The following TRIQK variants were observed in gnomAD, a reference collection of about 807,000 sequenced individuals.
TRIQK encodes the protein triple QxxK/R motif-containing protein.
TRIQK carries 10 observed loss-of-function variants against 10.8 expected under a neutral mutation model. The ratio of observed to expected loss-of-function variants is 0.92; its 90% CI spans 0.57 to 1.57. The LOEUF is 1.57. Ranked by LOEUF, TRIQK falls within the 40% of genes most tolerant of loss-of-function variation. The probability of loss-of-function intolerance (pLI) is 0.00; values close to 1 mark genes in which losing one functional copy is unlikely to be tolerated. For synonymous variants in TRIQK, 33 were observed against 33.7 expected (o/e 0.98, Z 0.07); for missense variants, 107 against 97.7 (o/e 1.09, Z -0.40).
At chr8:92,938,955 A>G (rs1015079761) in intron 2 of TRIQK, among the ~76,000 whole-genome samples, 4 of 152,160 alleles carry the variant, frequency 2.6e-5, no homozygotes, top group African/African-American at 9.7e-5. Flanking sequence ...CACCAAATCT[A>G]TCATTTATAG....
intron 1 of TRIQK, among the ~76,000 whole-genome samples, chr8:93,007,190 A>T (rs1435716319): frequency 6.6e-6 from 1 of 152,108 alleles, no homozygotes; most frequent in Non-Finnish European, 1.5e-5. Context: ...CACTAGTGAC[A>T]CCTCCAGGTA....
intron 1 of TRIQK, among the ~76,000 whole-genome samples, chr8:92,983,995 C>T (rs1036798547): frequency 6.6e-5 from 10 of 152,020 alleles, no homozygotes; most frequent in African/African-American, 2.4e-4. Flanking sequence ...TCCGACCTCT[C>T]CAAGTTTCGG....
intron 1 of TRIQK, among the ~76,000 whole-genome samples, chr8:92,960,898 G>A (rs1159074196): frequency 6.6e-6 from 1 of 152,096 alleles, no homozygotes; most frequent in Non-Finnish European, 1.5e-5. Flanking sequence ...GTTATAAGAG[G>A]AACAAAACTG....
intron 3 of TRIQK, among the ~76,000 whole-genome samples, chr8:92,908,710 C>A (rs1031438402): frequency 2.0e-5 from 3 of 151,782 alleles, no homozygotes; most frequent in African/African-American, 4.8e-5. Context: ...ATAGACCACA[C>A]CAATTAAGAT....
At chr8:93,000,753 T>C (rs148995641) in intron 1 of TRIQK, among the ~76,000 whole-genome samples, 1 of 152,266 alleles carries the variant, frequency 6.6e-6, no homozygotes, top group Non-Finnish European at 1.5e-5. Context: ...TAATATAGTA[T>C]GTGATAGCTA....
intron 1 of TRIQK, among the ~76,000 whole-genome samples, chr8:92,957,295 AAATT>A (rs1278871078): frequency 2.6e-5 from 4 of 151,782 alleles, no homozygotes; most frequent in Non-Finnish European, 5.9e-5. Flanking sequence ...TGTATACATA[AAATT>A]AATGTATGTA....
chr8:92,963,046 T>G (rs898489163), intron 1 of TRIQK, among the ~76,000 whole-genome samples: 1 of 152,198 alleles, frequency 6.6e-6, no homozygotes, highest in Non-Finnish European at 1.5e-5. Context: ...AGAGCTATTA[T>G]TGAGCCCCTA....
rs376167148 is a variant in TRIQK, at chr8:93,001,528, AAAG to A, written c.-181+16078_-181+16080del. ...ATAGACTTTAAGTCAAAAACTGTAAAAAGAAGACAATGAAGGTCACTATATAAT... is the reference window on the plus strand; with the variant it reads ...ATAGACTTTAAGTCAAAAACTGTAAAAAGACAATGAAGGTCACTATATAAT... On this transcript the variant is annotated intron_variant, in intron 1 of 4. Transcript: ENST00000520686. 1.6e-3 allele frequency among the ~76,000 whole-genome samples: 244 copies of A among 152,314 alleles called. 2 individuals carry two copies. The highest frequency in any genetic ancestry group is 5.5e-3 in the African/African-American group (227 of 41,566).
chr8:92,994,317 T>C (rs1476942402), intron 1 of TRIQK, among the ~76,000 whole-genome samples: 2 of 152,154 alleles, frequency 1.3e-5, no homozygotes, highest in Non-Finnish European at 2.9e-5. Context: ...GCTCTTCTTT[T>C]ATTTATATAT....
intron 2 of TRIQK, among the ~76,000 whole-genome samples, chr8:92,929,049 A>G (rs1810581514): frequency 6.6e-6 from 1 of 152,174 alleles, no homozygotes; most frequent in African/African-American, 2.4e-5. Flanking sequence ...GATGGGGGCA[A>G]TGAGGCAGAG....
chr8:92,947,930 G>A (rs779086295), intron 2 of TRIQK, among the ~76,000 whole-genome samples: 8 of 152,102 alleles, frequency 5.3e-5, no homozygotes, highest in Non-Finnish European at 8.8e-5. Context: ...AAATATATAT[G>A]TTTAGTCAAT....
In TRIQK at chr8:92,898,833, G is replaced by GTATATATATATATATA. The variant is rs67063066; in HGVS notation, c.62-6775_62-6760dup. Among the ~76,000 whole-genome samples the GTATATATATATATATA allele has an allele frequency of 2.5e-3, 187 of 73,902 alleles. 6 individuals carry two copies. Among genetic ancestry groups the GTATATATATATATATA allele is most frequent in the Non-Finnish European group, 3.1e-3 (124 of 39,960 alleles). 48.5% of individuals were successfully genotyped at this position (73,902 alleles called of 152,430 possible). A position where few individuals can be genotyped will look rare whatever the true frequency, so the allele number is the denominator to read the frequency against. Reference sequence around the variant, plus strand: ...GCAGGTACATAATAGGTGTGTGTGTGTATATATATATATATATATATATAT... The same window carrying GTATATATATATATATA: ...GCAGGTACATAATAGGTGTGTGTGTGTATATATATATATATATATATATATATATATATATATATAT... On this transcript the variant is annotated intron_variant, in intron 3 of 4. Transcript: ENST00000521988.
At chr8:92,962,041 G>T (rs1445592030) in intron 1 of TRIQK, among the ~76,000 whole-genome samples, 1 of 151,984 alleles carries the variant, frequency 6.6e-6, no homozygotes, top group Non-Finnish European at 1.5e-5. Context: ...ATTTTTCATG[G>T]AAACATACAC....
chr8:92,983,361 C>CAT (rs1813004132), intron 1 of TRIQK, among the ~76,000 whole-genome samples: 1 of 152,018 alleles, frequency 6.6e-6, no homozygotes, highest in Non-Finnish European at 1.5e-5. Flanking sequence ...AGTCAAATTT[C>CAT]AGTGGCTTAA....
intron 2 of TRIQK, among the ~76,000 whole-genome samples, chr8:92,947,587 G>GAA (rs35808197): frequency 8.2e-3 from 503 of 61,162 alleles, no homozygotes; most frequent in Middle Eastern, 0.013. Context: ...TCCGCCTCAG[G>GAA]AAAAAAAAAA....
chr8:92,994,445 AT>A lies in TRIQK; in HGVS notation c.-181+23163del, dbSNP rs556432637. Among the ~76,000 whole-genome samples, 18 of 151,546 alleles carry A rather than the reference AT, an allele frequency of 1.2e-4. No homozygotes were observed. In the South Asian group the frequency reaches 3.3e-3, roughly 28 times the overall value. Reference sequence around the variant, plus strand: ...TGTTTTATTTTTTAAAAATCACATAATTTTTTTTCCTCCAAGGCTGACAACT... The same window carrying A: ...TGTTTTATTTTTTAAAAATCACATAATTTTTTTCCTCCAAGGCTGACAACT... On this transcript the variant is annotated intron_variant, in intron 1 of 4. Transcript: ENST00000520686.
intron 4 of TRIQK, among the ~76,000 whole-genome samples, chr8:92,888,258 A>G (rs1816586364): frequency 6.6e-6 from 1 of 151,674 alleles, no homozygotes; most frequent in Admixed American, 6.6e-5. Flanking sequence ...ATTGGAGGCC[A>G]TGATTCATAT....
intron 3 of TRIQK, among the ~76,000 whole-genome samples, chr8:92,897,614 C>A (rs898807420): frequency 2.0e-5 from 3 of 152,068 alleles, no homozygotes. Context: ...TTTCCAGACT[C>A]CAGAACTTTA....
rs549978336 is a variant in TRIQK, at chr8:92,938,961, T to C, written c.-22+15445A>G. On this transcript the variant is annotated intron_variant, in intron 2 of 4. Coordinates refer to ENST00000521988, the MANE Select transcript of TRIQK (RefSeq NM_001171797.2). ...TGGTAGTTCCACCAAATCTATCATT[T>C]ATAGATCTATTTCTATTGACTGTTT... 1.4e-4 allele frequency among the ~76,000 whole-genome samples: 21 copies of C among 152,342 alleles called. 1 individual carries two copies. In the South Asian group the frequency reaches 4.3e-3, roughly 32 times the overall value.
Sources: gnomAD v4.1 joint callset for allele counts (sites outside exome capture counted in the v4.1 genomes callset) on GRCh38, gnomAD v4.1.1 for gene constraint, MANE v1.5 for transcripts, NCBI Gene and HGNC (gene_info 2026-07-23, HGNC 2026-07-21) for gene names.